Variants in GRIK1 observed in about 807,000 individuals in gnomAD.
The protein encoded by GRIK1 is glutamate receptor ionotropic, kainate 1.
In GRIK1, 69 loss-of-function variants were observed where a neutral mutation model predicts 105.7. The observed-to-expected ratio is 0.65, with a 90% CI of 0.54 to 0.80. The LOEUF (loss-of-function observed/expected upper bound fraction) is 0.80. Among genes scored for constraint, GRIK1 ranks in the 30% least tolerant of loss-of-function variants. The probability of loss-of-function intolerance (pLI) is 0.00; values close to 1 mark genes in which losing one functional copy is unlikely to be tolerated. For synonymous variants in GRIK1, 438 were observed against 431.3 expected, an observed-to-expected ratio of 1.02 and a Z score of -0.19; for missense variants, 1,109 against 1,167.3, an observed-to-expected ratio of 0.95 and a Z score of 0.73.
chr21:29,783,284 A>G (rs1437140354), intron 1 of GRIK1, among the ~76,000 whole-genome samples: 1 of 152,052 alleles, frequency 6.6e-6, no homozygotes, highest in Non-Finnish European at 1.5e-5. Flanking sequence ...CAGGGCAAAA[A>G]TAGTACCATT....
intron 1 of GRIK1, among the ~76,000 whole-genome samples, chr21:29,809,347 C>T (rs867931822): frequency 3.9e-5 from 6 of 152,152 alleles, no homozygotes; most frequent in Admixed American, 3.9e-4. Flanking sequence ...TTACACTCTA[C>T]TGTAGTCTAA....
intron 1 of GRIK1, among the ~76,000 whole-genome samples, chr21:29,919,411 C>G (rs1261086388): frequency 1.3e-5 from 2 of 152,234 alleles, no homozygotes; most frequent in East Asian, 1.9e-4. Flanking sequence ...GCTATGCACA[C>G]AGAGGATGTA....
intron 6 of GRIK1, among the ~76,000 whole-genome samples, chr21:29,648,793 G>A (rs1442615715): frequency 6.6e-6 from 1 of 152,166 alleles, no homozygotes; most frequent in Non-Finnish European, 1.5e-5. Context: ...GTGATTCATG[G>A]AGGCTCTGTC....
chr21:29,786,251 T>C (rs1470047585), intron 1 of GRIK1, among the ~76,000 whole-genome samples: 2 of 152,230 alleles, frequency 1.3e-5, no homozygotes, highest in East Asian at 3.8e-4. Flanking sequence ...CCTCCCAAAG[T>C]GTTGGGAATA....
chr21:29,781,173 A>T (rs776510390), intron 1 of GRIK1, among the ~76,000 whole-genome samples: 4 of 152,176 alleles, frequency 2.6e-5, no homozygotes, highest in Non-Finnish European at 4.4e-5. Context: ...TCACAGATAT[A>T]TACACAAAAT....
intron 3 of GRIK1, among the ~76,000 whole-genome samples, chr21:29,677,636 T>A (rs2063297228): frequency 6.6e-6 from 1 of 152,176 alleles, no homozygotes; most frequent in South Asian, 2.1e-4. Context: ...TTCCTATGCC[T>A]TCCTTTTAAG....
At chr21:29,608,637 A>G (rs899890585) in intron 7 of GRIK1, among the ~76,000 whole-genome samples, 7 of 152,112 alleles carry the variant, frequency 4.6e-5, no homozygotes, top group Non-Finnish European at 8.8e-5. Context: ...ATCGTCTCAG[A>G]CACTTTCATT....
intron 1 of GRIK1, among the ~76,000 whole-genome samples, chr21:29,799,678 C>A (rs561320160): frequency 6.6e-6 from 1 of 152,242 alleles, no homozygotes; most frequent in East Asian, 1.9e-4. Flanking sequence ...TACAGGCATG[C>A]ACCACCATGC....
At chr21:29,864,146 G>A (rs955977188) in intron 1 of GRIK1, among the ~76,000 whole-genome samples, 12 of 151,706 alleles carry the variant, frequency 7.9e-5, no homozygotes, top group Non-Finnish European at 1.8e-4. Context: ...ATATTGTGAA[G>A]ACTGTGTTTG....
At chr21:29,561,430 T>A (rs1184173591) in intron 15 of GRIK1, among the ~76,000 whole-genome samples, 194 bp downstream of exon 15, 2 of 152,262 alleles carry the variant, frequency 1.3e-5, no homozygotes, top group East Asian at 3.8e-4. Context: ...TGGTTAAAAG[T>A]ATATTAAGTT....
In GRIK1 at chr21:29,598,909, A is replaced by G; in HGVS notation, c.1127T>C (p.Ile376Thr). ...CAAGCCATTGGTTTTATTAAAGGTG[A>G]TATGCCCAGTCAAGCCATCCCACCG... is the stretch of plus-strand genomic sequence containing the variant. ...EARWDGLTGH[I>T]TFNKTNGLRK... The change falls in exon 8 of 18, where the codon ATC (isoleucine) becomes ACC (threonine). Residue 376 changes from isoleucine to threonine, a missense_variant. Ile to Thr is a moderately conservative substitution (Grantham distance 89, BLOSUM62 -1). Coordinates refer to ENST00000327783, the MANE Select transcript of GRIK1 (RefSeq NM_001330994.2). The G allele has an allele frequency of 1.3e-6, 2 of 1,590,672 alleles. No individual in the cohort carries two copies. The highest frequency in any genetic ancestry group is 1.7e-6 in the Non-Finnish European group (2 of 1,162,826).
rs2063458463 is a variant in GRIK1, at chr21:29,684,858, T to C, written c.544+4870A>G. On this transcript the variant is annotated intron_variant, in intron 3 of 17. Coordinates refer to ENST00000327783, the MANE Select transcript of GRIK1 (RefSeq NM_001330994.2). ...CCAACCTAGTATCTACCTATCATGA[T>C]CTATTTTCTATCATGTATCTGTCCT... Among the ~76,000 whole-genome samples, 5 of 152,326 alleles carry C rather than the reference T, an allele frequency of 3.3e-5. No homozygotes were observed. In the South Asian group the frequency reaches 1.0e-3, roughly 32 times the overall value.
intron 1 of GRIK1, among the ~76,000 whole-genome samples, chr21:29,733,694 T>A (rs2064697705): frequency 6.6e-6 from 1 of 152,122 alleles, no homozygotes; most frequent in Non-Finnish European, 1.5e-5. Flanking sequence ...AAATGTTTCA[T>A]TTTGAGGAAA....
At chr21:29,909,345 T>A (rs939325545) in intron 1 of GRIK1, among the ~76,000 whole-genome samples, 13 of 151,990 alleles carry the variant, frequency 8.6e-5, no homozygotes, top group Non-Finnish European at 1.9e-4. Context: ...GGCTCCTTTG[T>A]GAGGTTTTAT....
chr21:29,850,529 C>A (rs138222582), intron 1 of GRIK1, among the ~76,000 whole-genome samples: 8 of 152,154 alleles, frequency 5.3e-5, no homozygotes, highest in African/African-American at 1.9e-4. Context: ...ACCACCACCA[C>A]AACAATGAAC....
intron 7 of GRIK1, among the ~76,000 whole-genome samples, chr21:29,613,626 T>C (rs568930732): frequency 2.5e-4 from 38 of 152,310 alleles, no homozygotes; most frequent in African/African-American, 9.1e-4. Flanking sequence ...ACCACCCATA[T>C]ACAGGAAATT....
chr21:29,784,191 A>G (rs1378551719), intron 1 of GRIK1, among the ~76,000 whole-genome samples: 7 of 152,232 alleles, frequency 4.6e-5, no homozygotes. Flanking sequence ...CAGTTGTTCC[A>G]TATTTGAATA....
intron 4 of GRIK1, among the ~76,000 whole-genome samples, chr21:29,659,872 G>C (rs1222021519): frequency 6.6e-6 from 1 of 152,134 alleles, no homozygotes; most frequent in Non-Finnish European, 1.5e-5. Context: ...TGAGGCAGGA[G>C]AATCACTTGA....
intron 1 of GRIK1, among the ~76,000 whole-genome samples, chr21:29,772,065 A>G (rs1021064963): frequency 6.6e-6 from 1 of 152,246 alleles, no homozygotes; most frequent in African/African-American, 2.4e-5. Context: ...CCATTTTCAA[A>G]AGATCAGTGC....
Sources: gnomAD v4.1 joint callset for allele counts (sites outside exome capture counted in the v4.1 genomes callset) on GRCh38, gnomAD v4.1.1 for gene constraint, MANE v1.5 for transcripts, NCBI Gene and HGNC (gene_info 2026-07-23, HGNC 2026-07-21) for gene names.